The following IMMP2L variants were observed in gnomAD, a reference collection of about 807,000 sequenced individuals.
IMMP2L encodes the protein mitochondrial inner membrane protease subunit 2.
In IMMP2L, 18 loss-of-function variants were observed where a neutral mutation model predicts 19.3. The ratio of observed to expected loss-of-function variants is 0.93; its 90% confidence interval spans 0.64 to 1.38. The LOEUF is 1.38. IMMP2L is among the 40% of genes most tolerant of loss of function. The pLI is 0.00. For synonymous variants in IMMP2L, 76 were observed against 73.0 expected (o/e 1.04, Z -0.21); for missense variants, 233 against 218.2 (o/e 1.07, Z -0.43).
chr7:111,352,333 G>C (rs1206004666), intron 3 of IMMP2L, among the ~76,000 whole-genome samples: 1 of 151,606 alleles, frequency 6.6e-6, no homozygotes, highest in Non-Finnish European at 1.5e-5. Context: ...CAAGTAGCTG[G>C]GTAATGCAGG....
intron 3 of IMMP2L, among the ~76,000 whole-genome samples, chr7:111,112,034 G>T (rs368071362): frequency 1.1e-4 from 15 of 133,712 alleles, no homozygotes; most frequent in African/African-American, 4.1e-4. Flanking sequence ...TGCAACCTCT[G>T]CCTCCTGGGT....
At chr7:110,750,467 T>C (rs2130915316) in intron 5 of IMMP2L, among the ~76,000 whole-genome samples, 1 of 152,086 alleles carries the variant, frequency 6.6e-6, no homozygotes, top group Admixed American at 6.6e-5. Flanking sequence ...AAGCAAAGAG[T>C]ATATTTAAAT....
At chr7:110,772,858 T>G (rs1799126748) in intron 5 of IMMP2L, among the ~76,000 whole-genome samples, 1 of 152,112 alleles carries the variant, frequency 6.6e-6, no homozygotes, top group Non-Finnish European at 1.5e-5. Context: ...TGCCTGCATA[T>G]TAAGGACCAA....
At position 110,663,677 on chromosome 7, in the gene IMMP2L, C is replaced by T; in HGVS notation, c.453G>A (p.Trp151Ter). The T allele has an allele frequency of 6.2e-7, 1 of 1,609,308 alleles. No homozygotes were observed. The highest frequency in any genetic ancestry group is 8.5e-7 in the Non-Finnish European group (1 of 1,177,046). Residue 151 changes from tryptophan (W) to a stop codon, truncating the protein, a stop_gained, in exon 6 of 6, where the codon TGG becomes TGA. Transcript: ENST00000405709. LOFTEE classifies it high-confidence loss of function. Reference protein sequence around the residue: ...LLHAHATHILWPPERWQKLES... With the variant: ...LLHAHATHIL ...CCAATTTCTGCCAGCGCTCTGGGGG[C>T]CACAGGATATGTGTGGCATGGGCAT...
intron 3 of IMMP2L, among the ~76,000 whole-genome samples, chr7:111,026,895 TG>T (rs1826888696): frequency 6.6e-6 from 1 of 152,130 alleles, no homozygotes; most frequent in African/African-American, 2.4e-5. Flanking sequence ...TTTTTTTCTG[TG>T]TAAGTCAGAG....
At chr7:111,175,856 G>A (rs1215292952) in intron 3 of IMMP2L, among the ~76,000 whole-genome samples, 2 of 151,848 alleles carry the variant, frequency 1.3e-5, no homozygotes, top group East Asian at 3.9e-4. Flanking sequence ...CAGGATGGGA[G>A]AAAATATTTG....
At chr7:110,979,245 C>T (rs1362270596) in intron 3 of IMMP2L, among the ~76,000 whole-genome samples, 2 of 152,066 alleles carry the variant, frequency 1.3e-5, no homozygotes, top group Admixed American at 6.6e-5. Context: ...GTCTGGCTAT[C>T]GCTACAAATT....
chr7:111,078,725 A>T (rs998572439), intron 3 of IMMP2L, among the ~76,000 whole-genome samples: 2 of 151,068 alleles, frequency 1.3e-5, no homozygotes, highest in Non-Finnish European at 3.0e-5. Context: ...TTTTATTTTT[A>T]TTTATTTATT....
chr7:110,944,065 T>C (rs947582763), intron 4 of IMMP2L, among the ~76,000 whole-genome samples: 5 of 152,012 alleles, frequency 3.3e-5, no homozygotes, highest in Non-Finnish European at 7.3e-5. Flanking sequence ...ATTGAAGTTT[T>C]ATAAATATTG....
At chr7:111,447,559 G>A (rs1376238036) in intron 3 of IMMP2L, among the ~76,000 whole-genome samples, 5 of 146,892 alleles carry the variant, frequency 3.4e-5, no homozygotes, top group Non-Finnish European at 6.0e-5. Flanking sequence ...TGAAGGAAGC[G>A]CTAAACATGG....
At chr7:111,074,200 T>C (rs1269473756) in intron 3 of IMMP2L, among the ~76,000 whole-genome samples, 2 of 152,172 alleles carry the variant, frequency 1.3e-5, no homozygotes, top group Admixed American at 6.5e-5. Context: ...CCCAAACTAA[T>C]ACGTTAAATT....
At chr7:111,121,766 G>C (rs1800654297) in intron 3 of IMMP2L, among the ~76,000 whole-genome samples, 1 of 152,120 alleles carries the variant, frequency 6.6e-6, no homozygotes, top group Non-Finnish European at 1.5e-5. Context: ...CTGATATAAA[G>C]ACACATGCAC....
At chr7:111,015,453 C>A (rs1306075371) in intron 3 of IMMP2L, among the ~76,000 whole-genome samples, 1 of 151,892 alleles carries the variant, frequency 6.6e-6, no homozygotes, top group Non-Finnish European at 1.5e-5. Flanking sequence ...TTTAGATTTG[C>A]AAAATGAAAA....
intron 4 of IMMP2L, among the ~76,000 whole-genome samples, chr7:110,951,335 C>G (rs949958688): frequency 1.3e-5 from 2 of 151,998 alleles, no homozygotes; most frequent in African/African-American, 4.8e-5. Context: ...TTTCTTCCAA[C>G]TTTACAATTT....
chr7:111,503,060 C>T lies in IMMP2L; in HGVS notation c.136-15719G>A, dbSNP rs1480598735. 3.3e-5 allele frequency among the ~76,000 whole-genome samples: 5 copies of T among 151,634 alleles called. No individual in the cohort carries two copies. In the South Asian group the frequency reaches 6.3e-4, roughly 19 times the overall value. On this transcript the variant is annotated intron_variant, in intron 2 of 5. Transcript: ENST00000405709. ...GGTTTTTTGAAAAGATCAACAAAAT[C>T]GATAGACTGCTAGCAAGACTAATAA... is the stretch of plus-strand genomic sequence containing the variant.
intron 3 of IMMP2L, among the ~76,000 whole-genome samples, chr7:111,010,146 AG>A (rs1292796488): frequency 6.6e-6 from 1 of 152,172 alleles, no homozygotes; most frequent in African/African-American, 2.4e-5. Context: ...AGAGAAACCT[AG>A]AGCAGGTAAC....
chr7:110,735,519 G>T (rs762895291), intron 5 of IMMP2L, among the ~76,000 whole-genome samples: 1 of 152,014 alleles, frequency 6.6e-6, no homozygotes, highest in South Asian at 2.1e-4. Context: ...ATGAGGCTGG[G>T]TGTGGTGGCT....
At chr7:111,212,998 G>A (rs894015324) in intron 3 of IMMP2L, among the ~76,000 whole-genome samples, 2 of 152,286 alleles carry the variant, frequency 1.3e-5, no homozygotes, top group African/African-American at 2.4e-5. Flanking sequence ...CCAGGACTGC[G>A]CTCTCCACAG....
rs533715113 is a variant in IMMP2L at position 111,516,919 on chromosome 7, C to G, written c.135+4394G>C. 3.3e-5 allele frequency among the ~76,000 whole-genome samples: 5 copies of G among 152,144 alleles called. No homozygotes were observed. The East Asian group carries it at 9.7e-4, about 29-fold the overall frequency. Reference sequence around the variant, plus strand: ...AGTCAGCACAGGAGGAAATGTGTGCCAGCTTGTGCCCAGTATCTTGGAAGT... The same window carrying G: ...AGTCAGCACAGGAGGAAATGTGTGCGAGCTTGTGCCCAGTATCTTGGAAGT... On this transcript the variant is annotated intron_variant, in intron 2 of 5. Transcript: ENST00000405709.
Sources: allele counts gnomAD v4.1 joint callset (sites outside exome capture counted in the v4.1 genomes callset), GRCh38; gene constraint gnomAD v4.1.1; transcripts MANE v1.5; gene names NCBI Gene and HGNC (gene_info 2026-07-23, HGNC 2026-07-21).